DUS3L: variants seen among roughly 807,000 people sequenced by gnomAD.
DUS3L encodes tRNA-dihydrouridine(47) synthase [NAD(P)(+)]-like.
In DUS3L, 62 loss-of-function variants were observed where a neutral mutation model predicts 74.6. The observed-to-expected ratio is 0.83, with a 90% confidence interval of 0.68 to 1.03. The LOEUF (loss-of-function observed/expected upper bound fraction) is 1.03. Ranked by LOEUF, DUS3L falls within the 50% of genes least tolerant of loss-of-function variation. DUS3L has a pLI of 0.00. For missense variants in DUS3L, 884 were observed against 924.4 expected (o/e 0.96, Z 0.57); for synonymous variants, 433 against 395.7 (o/e 1.09, Z -1.12).
Position 5,786,729 on chromosome 19 carries a change from T to C in DUS3L, c.1486+20A>G, listed in dbSNP as rs1451039253. On this transcript the variant is annotated intron_variant, in intron 9 of 12. Coordinates refer to ENST00000309061, the MANE Select transcript of DUS3L (RefSeq NM_020175.3). ...CCAAGGGTGGTAGGGGAGAGGGAGG[T>C]GGCTTCCCGGAACACCCACCGAACA... The C allele has an allele frequency of 1.9e-6, 3 of 1,605,402 alleles. No homozygotes were observed. Among genetic ancestry groups the C allele is most frequent in the Non-Finnish European group, 8.5e-7 (1 of 1,176,974 alleles).
chr19:5,788,153 C>A lies in DUS3L; in HGVS notation c.966G>T (p.Arg322=). ...CATCCGCCCCGAAGCGCTTGCAGATCCGTCGGAAGGGCAGGTTCCCACACT... is the reference window on the plus strand; with the variant it reads ...CATCCGCCCCGAAGCGCTTGCAGATACGTCGGAAGGGCAGGTTCCCACACT... ...LTTCGNLPFR[R]ICKRFGADVT... The change falls in exon 5 of 13, where the codon CGG becomes CGT. Residue 322 remains arginine (R), a synonymous_variant. Coordinates refer to ENST00000309061, the MANE Select transcript of DUS3L (RefSeq NM_020175.3). 1 of 1,613,538 alleles carries A rather than the reference C, an allele frequency of 6.2e-7. No individual in the cohort carries two copies. Among genetic ancestry groups the A allele is most frequent in the Non-Finnish European group, 8.5e-7 (1 of 1,180,018 alleles).
intron 10 of DUS3L, 135 bp from the exon 11 acceptor site, chr19:5,785,926 G>T: frequency 1.1e-6 from 1 of 897,666 alleles, no homozygotes; most frequent in Non-Finnish European, 1.6e-6. Flanking sequence ...CCAGCTGCAT[G>T]CACACAACCT....
chr19:5,790,993 T>C, intron 1 of DUS3L, 51 bp downstream of exon 1: 1 of 1,530,554 alleles, frequency 6.5e-7, no homozygotes, highest in Non-Finnish European at 8.9e-7. Flanking sequence ...CGGACCGCGC[T>C]ATGGGTGCCG....
rs113974692 is a variant in DUS3L at position 5,786,176 on chromosome 19, C to T, written c.1562+291G>A. The stretch of plus-strand genomic sequence containing the variant: ...GTTGGTCAGGCTAGTCTTGAACCTC[C>T]GACCTCAAATGATCGGCGTGCCTTG... On this transcript the variant is annotated intron_variant, in intron 10 of 12. Coordinates refer to ENST00000309061, the MANE Select transcript of DUS3L (RefSeq NM_020175.3). Among the ~76,000 whole-genome samples the T allele has an allele frequency of 2.6e-3, 392 of 152,254 alleles. 2 individuals carry two copies. Among genetic ancestry groups the T allele is most frequent in the Non-Finnish European group, 2.8e-3 (190 of 68,026 alleles).
At position 5,789,877 on chromosome 19, in the gene DUS3L, C is replaced by A. The variant is rs975278082; in HGVS notation, c.388-158G>T. The A allele has an allele frequency of 3.1e-6, 4 of 1,295,480 alleles. No individual in the cohort carries two copies. The African/African-American group carries it at 4.5e-5, about 14-fold the overall frequency. The allele number at this position is 1,295,480 out of a possible 1,614,324, so 80.2% of individuals were successfully genotyped here. A position where few individuals can be genotyped will look rare whatever the true frequency, so the allele number is the denominator to read the frequency against. The stretch of plus-strand genomic sequence containing the variant: ...TGCATCTCCATTTATACAATGAGAA[C>A]AATGACAAGCCCTACAATGTATCCC... On this transcript the variant is annotated intron_variant, in intron 2 of 12. Coordinates refer to ENST00000309061, the MANE Select transcript of DUS3L (RefSeq NM_020175.3).
intron 1 of DUS3L, chr19:5,790,803 T>G: frequency 1.7e-6 from 1 of 594,532 alleles, no homozygotes; most frequent in Admixed American, 3.0e-5. Flanking sequence ...AGCGCGGGCC[T>G]GGCCTCAAAT....
intron 11 of DUS3L, 44 bp from the exon 12 acceptor site, chr19:5,785,555 C>T (rs1415060507): frequency 2.6e-6 from 4 of 1,560,376 alleles, no homozygotes; most frequent in Non-Finnish European, 3.5e-6. Flanking sequence ...TCAGCTCTAA[C>T]CAGCCGCGGC....
rs367768035 is a variant in DUS3L at position 5,786,864 on chromosome 19, C to A, written c.1390-19G>T. 3 of 1,597,236 alleles carry A rather than the reference C, an allele frequency of 1.9e-6. No individual in the cohort carries two copies. Among genetic ancestry groups the A allele is most frequent in the Middle Eastern group, 1.7e-4 (1 of 5,992 alleles). On this transcript the variant is annotated intron_variant, in intron 8 of 12. Transcript: ENST00000309061. ...CGTGGAGCTGGGGGAGAAGCCGCCA[C>A]GCAGGGTAGGAGGCAGAGAGTGAGA...
In DUS3L at chr19:5,788,095, G is replaced by A; in HGVS notation, c.1024C>T (p.Leu342=). Residue 342 remains leucine, a synonymous_variant, in exon 5 of 13, where the codon CTG becomes TTG. Coordinates refer to ENST00000309061, the MANE Select transcript of DUS3L (RefSeq NM_020175.3). ...CACTCGGACATCTGGCCCTGCAGCA[G>A]GTTGGTGCAGACGGCCATCTCTCCA... ...TCGEMAVCTN[L]LQGQMSEWAL... is the part of the protein sequence containing the mutation. 2.5e-6 allele frequency: 4 copies of A among 1,613,798 alleles called. No homozygotes were observed. Among genetic ancestry groups the A allele is most frequent in the South Asian group, 1.1e-5 (1 of 91,090 alleles).
At chr19:5,785,341 G>A (rs1352003144) in intron 12 of DUS3L, 42 bp downstream of exon 12, 3 of 1,606,720 alleles carry the variant, frequency 1.9e-6, no homozygotes, top group Non-Finnish European at 2.5e-6. Context: ...CGTGACCCCG[G>A]GCCCCCGACT....
In DUS3L at chr19:5,789,255, G is replaced by A; in HGVS notation, c.852C>T (p.Pro284=). The A allele has an allele frequency of 6.4e-7, 1 of 1,570,538 alleles. No homozygotes were observed. The highest frequency in any genetic ancestry group is 8.6e-7 in the Non-Finnish European group (1 of 1,161,214). ...GCCTGACCACGTCCTCATCCGTCAG[G>A]GGCCCGCAGGTCCGCACGGGGCTGC... is the stretch of plus-strand genomic sequence containing the variant. ...PPSSPVRTCG[P]LTDEDVVRLR... is the part of the protein sequence containing the mutation. Residue 284 remains proline (P), a synonymous_variant, in exon 3 of 13, where the codon CCC becomes CCT. Transcript: ENST00000309061.
intron 3 of DUS3L, among the ~76,000 whole-genome samples, chr19:5,788,647 C>A (rs2056878284): frequency 8.1e-6 from 1 of 124,056 alleles, no homozygotes; most frequent in Admixed American, 7.2e-5. Flanking sequence ...AGGAAGCCTC[C>A]CACATTTGTC....
chr19:5,785,767 G>A lies in DUS3L; in HGVS notation c.1587C>T (p.Leu529=). The A allele has an allele frequency of 1.2e-6, 2 of 1,607,218 alleles. No individual in the cohort carries two copies. Among genetic ancestry groups the A allele is most frequent in the Non-Finnish European group, 1.7e-6 (2 of 1,178,084 alleles). ...IARGALLKPW[L]FTEIKEQRHW... is the part of the protein sequence containing the mutation. ...GCCGCTGCTCCTTGATCTCCGTGAA[G>A]AGCCACGGCTTGAGCAGGGCGCCAC... The change falls in exon 11 of 13, where the codon CTC becomes CTT. Residue 529 remains leucine (L), a synonymous_variant. Transcript: ENST00000309061.
rs1442458198 is a variant in DUS3L at position 5,788,328 on chromosome 19, C to A, written c.942+29G>T. The A allele has an allele frequency of 7.4e-6, 12 of 1,613,456 alleles. No individual in the cohort carries two copies. In the South Asian group the frequency reaches 1.2e-4, roughly 16 times the overall value. ...GAATGACCACACTGCCACCCTGCCA[C>A]CCGACCAGCCACCTGACCCAGGTCC... is the stretch of plus-strand genomic sequence containing the variant. On this transcript the variant is annotated intron_variant, in intron 4 of 12. Coordinates refer to ENST00000309061, the MANE Select transcript of DUS3L (RefSeq NM_020175.3).
In DUS3L at chr19:5,789,216, C is replaced by T. The variant is rs1048267112; in HGVS notation, c.891G>A (p.Glu297=). 2 of 1,536,254 alleles carry T rather than the reference C, an allele frequency of 1.3e-6. No homozygotes were observed. Among genetic ancestry groups the T allele is most frequent in the South Asian group, 2.5e-5 (2 of 79,246 alleles). ...DEDVVRLRPC[E]KKRLDIRGKL... The stretch of plus-strand genomic sequence containing the variant: ...TGTCCTCAACACGTACCCGCTTCTT[C>T]TCACAGGGCCGCAGCCTGACCACGT... The change falls in exon 3 of 13, where the codon GAG becomes GAA. Residue 297 remains glutamate, a synonymous_variant. Coordinates refer to ENST00000309061, the MANE Select transcript of DUS3L (RefSeq NM_020175.3).
At position 5,789,628 on chromosome 19, in the gene DUS3L, G is replaced by C. The variant is rs2056890146; in HGVS notation, c.479C>G (p.Pro160Arg). ...GAAGGTCTCGAAGAGCACGCAGCGG[G>C]GGCCCAGGTCGGCCGGCTTGGTCTC... ...YLETKPADLG[P>R]RCVLFETFGR... The change falls in exon 3 of 13, where the codon CCC becomes CGC. Residue 160 changes from proline to arginine, a missense_variant. By Grantham distance (103) the Pro-to-Arg change is moderately radical. Transcript: ENST00000309061. 2 of 1,603,422 alleles carry C rather than the reference G, an allele frequency of 1.2e-6. No homozygotes were observed.
intron 5 of DUS3L, 27 bp downstream of exon 5, chr19:5,787,997 T>TCTC: frequency 6.2e-7 from 1 of 1,609,038 alleles, no homozygotes; most frequent in Non-Finnish European, 8.5e-7. Context: ...GCCCCTCCAC[T>TCTC]CTCCCTCCCT....
intron 3 of DUS3L, chr19:5,788,986 C>T (rs1006529181): frequency 3.3e-5 from 18 of 549,244 alleles, no homozygotes; most frequent in African/African-American, 1.4e-4. Flanking sequence ...GGATTACAGG[C>T]GTGAGCCACC....
rs1599617716 is a variant in DUS3L at position 5,786,557 on chromosome 19, G to A, written c.1487-15C>T. On this transcript the variant is annotated splice_polypyrimidine_tract_variant and intron_variant, in intron 9 of 12. Coordinates refer to ENST00000309061, the MANE Select transcript of DUS3L (RefSeq NM_020175.3). ...GTCCCCATTTCCTGAGGAGACAGAG[G>A]CTGGGGTCTCAGGGAGACATGGGCA... 3 of 1,612,062 alleles carry A rather than the reference G, an allele frequency of 1.9e-6. No individual in the cohort carries two copies. The highest frequency in any genetic ancestry group is 1.7e-6 in the Non-Finnish European group (2 of 1,179,530).
Sources: gnomAD v4.1 joint callset for allele counts (sites outside exome capture counted in the v4.1 genomes callset) on GRCh38, gnomAD v4.1.1 for gene constraint, MANE v1.5 for transcripts, NCBI Gene and HGNC (gene_info 2026-07-23, HGNC 2026-07-21) for gene names.